Variants in CDH10 observed in about 807,000 individuals in gnomAD.
The protein encoded by CDH10 is cadherin-10.
Under a neutral mutation model 73.1 loss-of-function variants are expected in CDH10, and 30 were observed. The ratio of observed to expected loss-of-function variants is 0.41; its 90% CI spans 0.31 to 0.56. CDH10 has a LOEUF of 0.56. Ranked by LOEUF, CDH10 falls within the 20% of genes least tolerant of loss-of-function variation. The pLI, the probability that CDH10 is intolerant of heterozygous loss-of-function variation, is 0.27. For synonymous variants in CDH10, 345 were observed against 348.2 expected (o/e 0.99, Z 0.10); for missense variants, 815 against 973.7 (o/e 0.84, Z 2.17).
At chr5:24,524,700 G>A (rs1356804548) in intron 5 of CDH10, among the ~76,000 whole-genome samples, 1 of 152,054 alleles carries the variant, frequency 6.6e-6, no homozygotes, top group African/African-American at 2.4e-5. Context: ...AATGTGAGAA[G>A]GAGAGAGGTA....
At chr5:24,530,297 C>T (rs936988998) in intron 5 of CDH10, among the ~76,000 whole-genome samples, 8 of 151,906 alleles carry the variant, frequency 5.3e-5, no homozygotes, top group African/African-American at 1.9e-4. Context: ...GTAACATTTT[C>T]TCAGGGATAC....
intron 2 of CDH10, among the ~76,000 whole-genome samples, chr5:24,570,380 TG>T (rs1008986352): frequency 2.0e-5 from 3 of 152,024 alleles, no homozygotes; most frequent in African/African-American, 7.3e-5. Flanking sequence ...TTCACAGAGA[TG>T]CCTAGTTCCG....
At chr5:24,557,667 A>T (rs1744816197) in intron 2 of CDH10, among the ~76,000 whole-genome samples, 1 of 151,832 alleles carries the variant, frequency 6.6e-6, no homozygotes, top group Admixed American at 6.6e-5. Context: ...AAAGAAAAAA[A>T]ATAATAAAAG....
chr5:24,557,143 T>C (rs1198129622), intron 2 of CDH10, among the ~76,000 whole-genome samples: 1 of 151,734 alleles, frequency 6.6e-6, no homozygotes, highest in East Asian at 1.9e-4. Context: ...GTTAGTACTA[T>C]TAGTATATTC....
At chr5:24,495,675 T>A (rs1440394768) in intron 9 of CDH10, among the ~76,000 whole-genome samples, 1 of 151,620 alleles carries the variant, frequency 6.6e-6, no homozygotes, top group Admixed American at 6.6e-5. Flanking sequence ...GGTGAAACCC[T>A]GCCTCTACTA....
At chr5:24,609,036 T>C (rs1305201741) in intron 1 of CDH10, among the ~76,000 whole-genome samples, 1 of 152,194 alleles carries the variant, frequency 6.6e-6, no homozygotes, top group Non-Finnish European at 1.5e-5. Context: ...GAGTTTCAAA[T>C]TGTATTTTCT....
chr5:24,557,455 A>T (rs896763437), intron 2 of CDH10, among the ~76,000 whole-genome samples: 1 of 151,728 alleles, frequency 6.6e-6, no homozygotes, highest in African/African-American at 2.4e-5. Context: ...ACTGAAAAAA[A>T]ACTCAATACA....
intron 5 of CDH10, among the ~76,000 whole-genome samples, chr5:24,534,606 T>A (rs773050280): frequency 1.3e-5 from 2 of 152,108 alleles, no homozygotes; most frequent in Non-Finnish European, 1.5e-5. Flanking sequence ...ACTCCACACA[T>A]AATAACATTA....
chr5:24,600,988 T>G (rs1646121787), intron 1 of CDH10, among the ~76,000 whole-genome samples: 1 of 152,008 alleles, frequency 6.6e-6, no homozygotes, highest in Non-Finnish European at 1.5e-5. Context: ...TGGCTTTTTT[T>G]TTCTTAAAAA....
Position 24,570,297 on chromosome 5 carries a change from G to A in CDH10, c.231+22963C>T, listed in dbSNP as rs1448122960. Among the ~76,000 whole-genome samples, 50 of 152,130 alleles carry A rather than the reference G, an allele frequency of 3.3e-4. 1 individual carries two copies. The highest frequency in any genetic ancestry group is 3.2e-3 in the Admixed American group (49 of 15,262). On this transcript the variant is annotated intron_variant, in intron 2 of 11. Coordinates refer to ENST00000264463, the MANE Select transcript of CDH10 (RefSeq NM_006727.5). ...AAAATAATCATCTAGTTTGTGCATAGATTTACTAGCCTCAGTTCTGCCTTC... is the reference window on the plus strand; with the variant it reads ...AAAATAATCATCTAGTTTGTGCATAAATTTACTAGCCTCAGTTCTGCCTTC...
intron 2 of CDH10, among the ~76,000 whole-genome samples, chr5:24,561,066 G>A (rs534232729): frequency 3.9e-5 from 6 of 152,076 alleles, no homozygotes; most frequent in Non-Finnish European, 8.8e-5. Flanking sequence ...TAGAAATTCA[G>A]TATTTAAAGT....
intron 1 of CDH10, among the ~76,000 whole-genome samples, chr5:24,601,387 T>A (rs1455099200): frequency 2.0e-5 from 3 of 152,176 alleles, no homozygotes; most frequent in Admixed American, 2.0e-4. Flanking sequence ...TTTACACTGT[T>A]CTGAAATCTC....
At position 24,498,511 on chromosome 5, in the gene CDH10, T is replaced by C. The variant is rs1242657197; in HGVS notation, c.1402A>G (p.Lys468Glu). The C allele has an allele frequency of 6.2e-7, 1 of 1,600,486 alleles. No individual in the cohort carries two copies. The highest frequency in any genetic ancestry group is 1.1e-5 in the South Asian group (1 of 89,802). The change falls in exon 9 of 12, where the codon AAA (lysine) becomes GAA (glutamate). Residue 468 changes from lysine (K) to glutamate (E), a missense_variant. Physicochemically the swap from Lys to Glu is moderately conservative, Grantham distance 56 (BLOSUM62 1). Transcript: ENST00000264463. ...TVIAAEINNP[K>E]ETTRVAVFVR... ...AAAACAGCCACGCGTGTTGTCTCTT[T>C]GGGATTGTCTGGAAAAGGGGAAGAA...
At chr5:24,563,510 C>T in intron 2 of CDH10, among the ~76,000 whole-genome samples, 1 of 145,490 alleles carries the variant, frequency 6.9e-6, no homozygotes, top group East Asian at 2.0e-4. Context: ...AATCCCAGCA[C>T]TTTGGGAGGT....
chr5:24,643,739 T>A (rs1031471729), intron 1 of CDH10, among the ~76,000 whole-genome samples: 1 of 152,180 alleles, frequency 6.6e-6, no homozygotes, highest in Admixed American at 6.5e-5. Context: ...TTTTTCATAA[T>A]AAGGAGACAG....
intron 8 of CDH10, among the ~76,000 whole-genome samples, chr5:24,500,797 T>C (rs1292884842): frequency 6.6e-6 from 1 of 152,234 alleles, no homozygotes; most frequent in Non-Finnish European, 1.5e-5. Flanking sequence ...CACTTTCTTA[T>C]GTTACTTAAA....
At chr5:24,607,567 A>C (rs1746801454) in intron 1 of CDH10, among the ~76,000 whole-genome samples, 1 of 152,220 alleles carries the variant, frequency 6.6e-6, no homozygotes. Context: ...AATCCCTGGC[A>C]AATCCCAGAG....
intron 2 of CDH10, among the ~76,000 whole-genome samples, chr5:24,559,597 A>T (rs967644210): frequency 2.0e-5 from 3 of 152,022 alleles, no homozygotes; most frequent in Non-Finnish European, 4.4e-5. Context: ...AAAAAGAGAA[A>T]AATAGGTTTG....
chr5:24,543,917 T>A (rs1192335610), intron 2 of CDH10, among the ~76,000 whole-genome samples: 1 of 152,128 alleles, frequency 6.6e-6, no homozygotes, highest in East Asian at 1.9e-4. Flanking sequence ...CCAAGTGTAG[T>A]TTGCTCCCTC....
Sources: gnomAD v4.1 joint callset for allele counts (sites outside exome capture counted in the v4.1 genomes callset) on GRCh38, gnomAD v4.1.1 for gene constraint, MANE v1.5 for transcripts, NCBI Gene and HGNC (gene_info 2026-07-23, HGNC 2026-07-21) for gene names.